The following POMT1 variants were observed in gnomAD, a reference collection of about 807,000 sequenced individuals.
POMT1 encodes protein O-mannosyltransferase 1, also known as protein O-mannosyl-transferase 1.
POMT1 carries 85 observed loss-of-function variants against 101.6 expected under a neutral mutation model. The observed-to-expected ratio is 0.84, with a 90% confidence interval of 0.70 to 1.00. The LOEUF (loss-of-function observed/expected upper bound fraction) is 1.00, where lower values mean the gene tolerates loss of function less well. POMT1 is among the 50% of genes least tolerant of loss of function. The pLI, the probability that POMT1 is intolerant of heterozygous loss-of-function variation, is 0.00. For synonymous variants in POMT1, 371 were observed against 383.0 expected, an observed-to-expected ratio of 0.97 and a Z score of 0.37; for missense variants, 857 against 930.4, an observed-to-expected ratio of 0.92 and a Z score of 1.03.
At position 131,510,365 on chromosome 9, in the gene POMT1, T is replaced by C; in HGVS notation, c.805T>C (p.Ser269Pro). 6.2e-7 allele frequency: 1 copy of C among 1,614,186 alleles called. No individual in the cohort carries two copies. The highest frequency in any genetic ancestry group is 8.5e-7 in the Non-Finnish European group (1 of 1,180,022). The change falls in exon 9 of 20, where the codon TCT (serine) becomes CCT (proline). Residue 269 changes from serine (S) to proline (P), a missense_variant. Ser to Pro is a moderately conservative substitution (Grantham distance 74, BLOSUM62 -1). Transcript: ENST00000402686. ...CGTCCACTTGATTCTAGTCTTCCGC[T>C]CTGGGCCCCACGACCAAATCATGTC... is the stretch of plus-strand genomic sequence containing the variant. ...FYVHLILVFR[S>P]GPHDQIMSSA...
In POMT1 at chr9:131,522,160, G is replaced by A. The variant is rs119462987; in HGVS notation, c.1939G>A (p.Ala647Thr). ...ACTCTTCCTCTACCACTACCTGCCC[G>A]CACTCACCTTCCAAATCCTTCTGCT... ...KTLFLYHYLPALTFQILLLPV... is the reference protein window; with the variant it reads ...KTLFLYHYLPTLTFQILLLPV... Residue 647 changes from alanine (A) to threonine (T), a missense_variant, in exon 19 of 20, where the codon GCA becomes ACA. Physicochemically the swap from Ala to Thr is moderately conservative, Grantham distance 58 (BLOSUM62 0). Transcript: ENST00000402686. This position sits in a 1 kb window ranked among gnomAD's most constrained non-coding sequence, Gnocchi z 5.5. 6 of 1,613,972 alleles carry A rather than the reference G, an allele frequency of 3.7e-6. No homozygotes were observed. Among genetic ancestry groups the A allele is most frequent in the African/African-American group, 2.7e-5 (2 of 74,902 alleles).
At chr9:131,515,634 C>T in intron 13 of POMT1, 112 bp downstream of exon 13, 1 of 944,966 alleles carries the variant, frequency 1.1e-6, no homozygotes, top group East Asian at 2.5e-5. Context: ...CCTAACAGAA[C>T]ACTTCATCAC....
At chr9:131,505,150 G>C (rs1445399895) in intron 2 of POMT1, among the ~76,000 whole-genome samples, 3 of 151,938 alleles carry the variant, frequency 2.0e-5, no homozygotes, top group African/African-American at 7.2e-5. Flanking sequence ...CAAGTATAAT[G>C]AATGACCCCC....
At chr9:131,514,871 G>A (rs777940029) in intron 12 of POMT1, among the ~76,000 whole-genome samples, 4 of 152,186 alleles carry the variant, frequency 2.6e-5, no homozygotes, top group Non-Finnish European at 4.4e-5. Context: ...CAGGAGAATC[G>A]CTTGAACCCA....
At chr9:131,514,532 C>G (rs1465040086) in intron 12 of POMT1, among the ~76,000 whole-genome samples, 1 of 152,248 alleles carries the variant, frequency 6.6e-6, no homozygotes, top group Admixed American at 6.5e-5. Flanking sequence ...GCTCTGCCCA[C>G]CGGCATGATG....
At chr9:131,521,031 C>T (rs1251804521) in intron 17 of POMT1, 7 of 387,422 alleles carry the variant, frequency 1.8e-5, no homozygotes, top group African/African-American at 6.2e-5. Context: ...TTAATAGAGA[C>T]GGGGTTTCGC....
In POMT1 at chr9:131,519,949, T is replaced by C. The variant is rs1328072688; in HGVS notation, c.1585-131T>C. 6 of 740,644 alleles carry C rather than the reference T, an allele frequency of 8.1e-6. No homozygotes were observed. The highest frequency in any genetic ancestry group is 1.5e-5 in the South Asian group (1 of 67,466). 45.9% of individuals were successfully genotyped at this position (740,644 alleles called of 1,614,324 possible). On this transcript the variant is annotated intron_variant, in intron 16 of 19. Transcript: ENST00000402686. The surrounding 1 kb of genome is among the most constrained non-coding windows in gnomAD (Gnocchi z 4.3). ...CAGGTTCTCATCATGCTGCCTCCGA[T>C]GCATGATCCGAATGAACTTGAGCTG... is the stretch of plus-strand genomic sequence containing the variant.
chr9:131,520,280 A>G (rs1402101437), intron 17 of POMT1, 87 bp downstream of exon 17: 2 of 1,174,392 alleles, frequency 1.7e-6, no homozygotes, highest in East Asian at 2.5e-5. Context: ...GCTGCACCCT[A>G]GAAAGTGCTG....
chr9:131,510,174 A>G, intron 8 of POMT1, 86 bp from the exon 9 acceptor site: 2 of 1,609,354 alleles, frequency 1.2e-6, no homozygotes, highest in Admixed American at 1.7e-5. Context: ...AGTTTCTGTC[A>G]CTAACTTTTT....
At chr9:131,521,506 T>G in intron 18 of POMT1, 34 bp downstream of exon 18, 2 of 1,607,278 alleles carry the variant, frequency 1.2e-6, no homozygotes, top group Non-Finnish European at 1.7e-6. Flanking sequence ...TTCTTTCTTT[T>G]TAATATAGAC....
At chr9:131,518,810 C>T in intron 14 of POMT1, 27 bp from the exon 15 acceptor site, 1 of 1,613,914 alleles carries the variant, frequency 6.2e-7, no homozygotes, top group East Asian at 2.2e-5. Context: ...TCCCATCACG[C>T]CCTTTACTCT....
Position 131,521,431 on chromosome 9 carries a change from A to C in POMT1, c.1784A>C (p.Tyr595Ser). ...ATCTACGCCCTGCTGTCCTTGTGGT[A>C]CCTGCTCCGACGGCGAAGAAATGTC... ...LAIYALLSLW[Y>S]LLRRRRNVHD... The change falls in exon 18 of 20, where the codon TAC becomes TCC. Residue 595 changes from tyrosine to serine, a missense_variant. By Grantham distance (144) the Tyr-to-Ser change is moderately radical. Transcript: ENST00000402686. The C allele has an allele frequency of 6.2e-7, 1 of 1,614,110 alleles. No homozygotes were observed. The highest frequency in any genetic ancestry group is 8.5e-7 in the Non-Finnish European group (1 of 1,180,036).
At chr9:131,506,663 C>G (rs1945873676) in intron 4 of POMT1, 2 of 599,146 alleles carry the variant, frequency 3.3e-6, no homozygotes, top group South Asian at 1.9e-5. Flanking sequence ...TCTTACTGTT[C>G]AGTTGCAGTC....
In POMT1 at chr9:131,519,179, G is replaced by A. The variant is rs534967182; in HGVS notation, c.1487-210G>A. ...GCTGGAAGGCAACCAGTTTATCCCCGTGCAAGTGGAGCTTTCTCAGGGTCG... is the reference window on the plus strand; with the variant it reads ...GCTGGAAGGCAACCAGTTTATCCCCATGCAAGTGGAGCTTTCTCAGGGTCG... On this transcript the variant is annotated intron_variant, in intron 15 of 19. Transcript: ENST00000402686. This position sits in a 1 kb window ranked among gnomAD's most constrained non-coding sequence, Gnocchi z 4.3. Among the ~76,000 whole-genome samples the A allele has an allele frequency of 3.9e-5, 6 of 152,302 alleles. No homozygotes were observed. The highest frequency in any genetic ancestry group is 3.9e-4 in the East Asian group (2 of 5,186).
rs1379526218 is a variant in POMT1, at chr9:131,505,320, A to G, written c.123-794A>G. ...GGATTTTTTTTTTTTTTTTGGAGACATAGTTTTACTCTGTCGCCCAGGCTG... is the reference window on the plus strand; with the variant it reads ...GGATTTTTTTTTTTTTTTTGGAGACGTAGTTTTACTCTGTCGCCCAGGCTG... On this transcript the variant is annotated intron_variant, in intron 2 of 19. Coordinates refer to ENST00000402686, the MANE Select transcript of POMT1 (RefSeq NM_001077365.2). Among the ~76,000 whole-genome samples, 39 of 142,284 alleles carry G rather than the reference A, an allele frequency of 2.7e-4. No homozygotes were observed. The East Asian group carries it at 7.9e-3, about 29-fold the overall frequency. The allele number at this position is 142,284 out of a possible 152,430, so 93.3% of individuals were successfully genotyped here. A position where few individuals can be genotyped will look rare whatever the true frequency, so the allele number is the denominator to read the frequency against.
chr9:131,523,219 C>G lies in POMT1; in HGVS notation c.*113C>G. ...CCACGCTGGGAGGACACGGGCTGGG[C>G]TGAGCAGGGCCTCTAGTGGAACACA... On this transcript the variant is annotated 3_prime_UTR_variant, in exon 20 of 20. Transcript: ENST00000402686. 7.5e-7 allele frequency: 1 copy of G among 1,332,112 alleles called. No individual in the cohort carries two copies. The highest frequency in any genetic ancestry group is 1.0e-6 in the Non-Finnish European group (1 of 960,822). The allele number at this position is 1,332,112 out of a possible 1,614,324, so 82.5% of individuals were successfully genotyped here.
chr9:131,518,568 C>A (rs1333635493), intron 14 of POMT1, 31 bp downstream of exon 14: 1 of 1,579,416 alleles, frequency 6.3e-7, no homozygotes, highest in South Asian at 1.1e-5. Flanking sequence ...TTGGCCTGTC[C>A]TGAGCTGTGG....
At chr9:131,515,792 GGACACTTCCTCACAC>G (rs1948286210) in intron 13 of POMT1, among the ~76,000 whole-genome samples, 1 of 125,068 alleles carries the variant, frequency 8.0e-6, no homozygotes, top group Non-Finnish European at 1.8e-5. Flanking sequence ...CTGTAACACA[GGACACTTCCTCACAC>G]GGAGCACTTC....
chr9:131,506,653 T>C, intron 4 of POMT1, 200 bp downstream of exon 4: 1 of 623,214 alleles, frequency 1.6e-6, no homozygotes. Context: ...CTGGTTAAAA[T>C]CTTACTGTTC....
Sources: allele counts gnomAD v4.1 joint callset (sites outside exome capture counted in the v4.1 genomes callset), GRCh38; gene constraint gnomAD v4.1.1; non-coding constraint Gnocchi (gnomAD v3.1); transcripts MANE v1.5; gene names NCBI Gene and HGNC (gene_info 2026-07-23, HGNC 2026-07-21).